The following GALNT6 variants were observed in gnomAD, a reference collection of about 807,000 sequenced individuals.
GALNT6 encodes polypeptide N-acetylgalactosaminyltransferase 6, also known as GalNAc transferase 6.
Under a neutral mutation model 65.9 loss-of-function variants are expected in GALNT6, and 51 were observed. The observed-to-expected ratio is 0.77, with a 90% confidence interval of 0.62 to 0.98. The LOEUF (loss-of-function observed/expected upper bound fraction) is 0.98. Among genes scored for constraint, GALNT6 ranks in the 50% least tolerant of loss-of-function variants. The probability of loss-of-function intolerance (pLI) is 0.00; values close to 1 mark genes in which losing one functional copy is unlikely to be tolerated. For missense variants in GALNT6, 708 were observed against 803.3 expected (o/e 0.88, Z 1.43); for synonymous variants, 323 against 315.1 (o/e 1.02, Z -0.26).
At chr12:51,380,664 G>A (rs73311613) in intron 2 of GALNT6, among the ~76,000 whole-genome samples, 5,094 of 152,290 alleles carry the variant, frequency 0.033, 214 homozygotes, top group African/African-American at 0.097. Context: ...GGTAGCGCAT[G>A]CCTGTAATCC....
intron 2 of GALNT6, among the ~76,000 whole-genome samples, chr12:51,386,352 G>GC (rs57527975): frequency 0.28 from 42,384 of 152,008 alleles, 6,296 homozygotes; most frequent in Non-Finnish European, 0.34. Flanking sequence ...TCCTCCCTGA[G>GC]CCTCCCCGAC....
rs1290465605 is a variant in GALNT6, at chr12:51,381,762, T to G, written c.-103-1878A>C. Among the ~76,000 whole-genome samples, 2 of 152,202 alleles carry G rather than the reference T, an allele frequency of 1.3e-5. 1 individual carries two copies. Among genetic ancestry groups the G allele is most frequent in the Admixed American group, 1.3e-4 (2 of 15,280 alleles). On this transcript the variant is annotated intron_variant, in intron 2 of 11. Transcript: ENST00000356317. ...ATTAAATCAGATAATGTAGGTAAAA[T>G]GTTTGGCAGAGCACCTGTCACACTA...
Position 51,377,382 on chromosome 12 carries a change from G to A in GALNT6, c.492-15C>T, listed in dbSNP as rs751442543. 2 of 1,611,462 alleles carry A rather than the reference G, an allele frequency of 1.2e-6. No homozygotes were observed. The highest frequency in any genetic ancestry group is 1.7e-6 in the Non-Finnish European group (2 of 1,179,514). ...GGTCCACACACCTGGAAGTATGAAA[G>A]TACGGACAAAGTTCTCCTGGTCCCT... On this transcript the variant is annotated splice_polypyrimidine_tract_variant and intron_variant, in intron 3 of 11. Transcript: ENST00000356317.
In GALNT6 at chr12:51,364,304, T is replaced by C. The variant is rs1249359671; in HGVS notation, c.866A>G (p.Asp289Gly). 2 of 1,614,144 alleles carry C rather than the reference T, an allele frequency of 1.2e-6. No homozygotes were observed. The highest frequency in any genetic ancestry group is 3.3e-5 in the Admixed American group (2 of 60,024). ...GTCTGGGCTCACCACCACTGTCTTG[T>C]CCTCAGCGATTCGAGCCAGGAGGGG... The part of the protein sequence containing the change: ...LEPLLARIAE[D>G]KTVVVSPDIV... The change falls in exon 6 of 12, where the codon GAC becomes GGC. Residue 289 changes from aspartate (D) to glycine (G), a missense_variant. Transcript: ENST00000356317.
intron 4 of GALNT6, among the ~76,000 whole-genome samples, chr12:51,375,872 T>C (rs1055053022): frequency 1.3e-5 from 2 of 151,836 alleles, no homozygotes; most frequent in Admixed American, 6.6e-5. Flanking sequence ...TTTTGTTTTG[T>C]TTTTTTGAGA....
In GALNT6 at chr12:51,355,800, A is replaced by G. The variant is rs758303585; in HGVS notation, c.1755+6T>C. 2 of 1,611,340 alleles carry G rather than the reference A, an allele frequency of 1.2e-6. No individual in the cohort carries two copies. The highest frequency in any genetic ancestry group is 3.3e-5 in the Admixed American group (2 of 59,864). ...TTGATTCTGAGCTTTCTGGACACTG[A>G]CTCACCTGGGCCAATTCCCATTCCT... On this transcript the variant is annotated splice_donor_region_variant and intron_variant, in intron 11 of 11. Coordinates refer to ENST00000356317, the MANE Select transcript of GALNT6 (RefSeq NM_007210.4).
Position 51,355,952 on chromosome 12 carries a change from C to T in GALNT6, c.1609G>A (p.Glu537Lys). Reference protein sequence around the residue: ...CHGLGGNQYFEYTTQRDLRHN... With the variant: ...CHGLGGNQYFKYTTQRDLRHN... ...CGAAGGTCCCTCTGAGTTGTGTACT[C>T]AAAGTACTGGAAATCAAGACAAGAG... Residue 537 changes from glutamate (E) to lysine (K), a missense_variant, in exon 11 of 12, where the codon GAG becomes AAG. Coordinates refer to ENST00000356317, the MANE Select transcript of GALNT6 (RefSeq NM_007210.4). 6.2e-7 allele frequency: 1 copy of T among 1,612,686 alleles called. No individual in the cohort carries two copies.
At chr12:51,363,632 G>A (rs1177798477) in intron 6 of GALNT6, among the ~76,000 whole-genome samples, 1 of 152,166 alleles carries the variant, frequency 6.6e-6, no homozygotes, top group Non-Finnish European at 1.5e-5. Flanking sequence ...TTTTCTTTTA[G>A]TATATTCTCA....
intron 2 of GALNT6, among the ~76,000 whole-genome samples, chr12:51,389,357 TCTGTTTTAC>T (rs1280606457): frequency 1.3e-5 from 2 of 152,242 alleles, no homozygotes; most frequent in Non-Finnish European, 2.9e-5. Flanking sequence ...AGTTATCTTC[TCTGTTTTAC>T]ACAGAAGGAA....
chr12:51,367,165 G>A (rs1947135395), intron 4 of GALNT6, among the ~76,000 whole-genome samples: 1 of 152,196 alleles, frequency 6.6e-6, no homozygotes, highest in African/African-American at 2.4e-5. Context: ...GCTGAGGCAG[G>A]TGAATCGTTT....
chr12:51,370,981 C>T (rs1947274130), intron 4 of GALNT6, among the ~76,000 whole-genome samples: 1 of 152,008 alleles, frequency 6.6e-6, no homozygotes, highest in Admixed American at 6.6e-5. Context: ...TTACTACATA[C>T]ACACATGAAA....
At chr12:51,376,198 G>C (rs1474125446) in intron 4 of GALNT6, among the ~76,000 whole-genome samples, 1 of 152,074 alleles carries the variant, frequency 6.6e-6, no homozygotes, top group African/African-American at 2.4e-5. Flanking sequence ...ACAGGTTCAG[G>C]GAGGCCAAAT....
intron 4 of GALNT6, among the ~76,000 whole-genome samples, chr12:51,368,153 T>C (rs1433018306): frequency 2.6e-5 from 4 of 151,878 alleles, no homozygotes; most frequent in South Asian, 2.1e-4. Context: ...TTTTTTATTC[T>C]GGAGCAGATT....
chr12:51,369,118 G>A lies in GALNT6; in HGVS notation c.665-3539C>T, dbSNP rs904815470. 4.6e-5 allele frequency among the ~76,000 whole-genome samples: 7 copies of A among 152,202 alleles called. No homozygotes were observed. In the East Asian group the frequency reaches 1.2e-3, roughly 25 times the overall value. On this transcript the variant is annotated intron_variant, in intron 4 of 11. Coordinates refer to ENST00000356317, the MANE Select transcript of GALNT6 (RefSeq NM_007210.4). ...CCAGCTCTGCGCACAGGAAGTTCAC[G>A]GTAGTGGAGATAACCCACGGACAAA...
At chr12:51,365,319 T>C (rs1947061574) in intron 5 of GALNT6, 111 bp downstream of exon 5, 1 of 1,033,138 alleles carries the variant, frequency 9.7e-7, no homozygotes, top group South Asian at 1.8e-5. Flanking sequence ...CAAGCCTCCT[T>C]CACTCCCGGA....
intron 5 of GALNT6, among the ~76,000 whole-genome samples, chr12:51,364,722 G>A (rs940266504): frequency 1.3e-5 from 2 of 152,200 alleles, no homozygotes; most frequent in Non-Finnish European, 2.9e-5. Flanking sequence ...CCCTCCCAGG[G>A]GCATCCGCAT....
At chr12:51,370,945 AGAT>A (rs1947272887) in intron 4 of GALNT6, among the ~76,000 whole-genome samples, 1 of 152,178 alleles carries the variant, frequency 6.6e-6, no homozygotes. Context: ...GAAACCGTGA[AGAT>A]GATACGTTTT....
At chr12:51,356,719 C>T (rs1339110826) in intron 10 of GALNT6, among the ~76,000 whole-genome samples, 1 of 152,130 alleles carries the variant, frequency 6.6e-6, no homozygotes, top group East Asian at 1.9e-4. Flanking sequence ...TTTTAAGTAA[C>T]ATCCGTGAAA....
intron 4 of GALNT6, among the ~76,000 whole-genome samples, chr12:51,371,364 A>C (rs1947290323): frequency 6.6e-6 from 1 of 152,108 alleles, no homozygotes; most frequent in Non-Finnish European, 1.5e-5. Flanking sequence ...ATTAACAGGC[A>C]TGAGCCATGG....
Sources: gnomAD v4.1 joint callset for allele counts (sites outside exome capture counted in the v4.1 genomes callset) on GRCh38, gnomAD v4.1.1 for gene constraint, MANE v1.5 for transcripts, NCBI Gene and HGNC (gene_info 2026-07-23, HGNC 2026-07-21) for gene names.